The following INAVA variants were observed in gnomAD, a reference collection of about 807,000 sequenced individuals.
The protein encoded by INAVA is innate immunity activator.
In INAVA, 32 loss-of-function variants were observed where a neutral mutation model predicts 55.3. The ratio of observed to expected loss-of-function variants is 0.58; its 90% confidence interval spans 0.44 to 0.78. The LOEUF (loss-of-function observed/expected upper bound fraction) is 0.78. Among genes scored for constraint, INAVA ranks in the 30% least tolerant of loss-of-function variants. INAVA has a pLI of 0.00. For missense variants in INAVA, 756 were observed against 786.4 expected (o/e 0.96, Z 0.46); for synonymous variants, 294 against 329.4 (o/e 0.89, Z 1.16).
Position 200,908,802 on chromosome 1 carries a change from T to C in INAVA, c.647T>C (p.Leu216Pro). Residue 216 changes from leucine (L) to proline (P), a missense_variant, in exon 7 of 10, where the codon CTT (leucine) becomes CCT (proline). By Grantham distance (98) the Leu-to-Pro change is moderately conservative (BLOSUM62 -3). This residue lies in a region of INAVA where 639 missense variants were observed against 624.3 expected (regional missense o/e 1.02). Coordinates refer to ENST00000413687, the MANE Select transcript of INAVA (RefSeq NM_001142569.3). Reference sequence around the variant, plus strand: ...TCTCGGCCTCTCCCACCCCAAACCCTTGAGGGTCTGCAGCCAACAGGACCT... The same window carrying C: ...TCTCGGCCTCTCCCACCCCAAACCCCTGAGGGTCTGCAGCCAACAGGACCT... Reference protein sequence around the residue: ...PPSRPLPPQTLEGLQPTGPEA... With the variant: ...PPSRPLPPQTPEGLQPTGPEA... 1 of 1,613,510 alleles carries C rather than the reference T, an allele frequency of 6.2e-7. No individual in the cohort carries two copies. The highest frequency in any genetic ancestry group is 8.5e-7 in the Non-Finnish European group (1 of 1,179,796).
At position 200,901,069 on chromosome 1, in the gene INAVA, G is replaced by C. The variant is rs377083257; in HGVS notation, c.430G>C (p.Glu144Gln). Residue 144 changes from glutamate to glutamine, a missense_variant, in exon 5 of 10, where the codon GAG (glutamate) becomes CAG (glutamine). Glu to Gln is a conservative substitution (Grantham distance 29). This residue lies in a region of INAVA where 639 missense variants were observed against 624.3 expected (regional missense o/e 1.02). Coordinates refer to ENST00000413687, the MANE Select transcript of INAVA (RefSeq NM_001142569.3). Reference sequence around the variant, plus strand: ...GCGGAAGCACTCCATGCTGCAGGAGGAGAAGAAGCTGCAGGAGCTCCAGCG... The same window carrying C: ...GCGGAAGCACTCCATGCTGCAGGAGCAGAAGAAGCTGCAGGAGCTCCAGCG... ...RQRKHSMLQE[E>Q]KKLQELQRCL... 49 of 1,542,780 alleles carry C rather than the reference G, an allele frequency of 3.2e-5. No homozygotes were observed. In the African/African-American group the frequency reaches 6.2e-4, roughly 19 times the overall value.
Position 200,909,414 on chromosome 1 carries a change from C to A in INAVA, c.959+17C>A. 1 of 1,551,402 alleles carries A rather than the reference C, an allele frequency of 6.4e-7. No homozygotes were observed. The highest frequency in any genetic ancestry group is 1.8e-5 in the Admixed American group (1 of 55,130). On this transcript the variant is annotated intron_variant, in intron 8 of 9. Transcript: ENST00000413687. ...GTCTCTGAGGTAAGAGACAGCTTCC[C>A]CAGAGAGATGGGGGACCCACTTAGA...
chr1:200,900,127 G>A lies in INAVA; in HGVS notation c.204G>A (p.Ala68=), dbSNP rs773964932. The A allele has an allele frequency of 3.2e-5, 52 of 1,613,482 alleles. No homozygotes were observed. The highest frequency in any genetic ancestry group is 3.3e-4 in the Middle Eastern group (2 of 6,074). Residue 68 remains alanine, a synonymous_variant, in exon 4 of 10, where the codon GCG becomes GCA. Transcript: ENST00000413687. ...REAELTGTLP[A]EYPLKPGEKA... ...AGGAGCTGACGGGCACCTTGCCAGC[G>A]GAGTATCCCCTCAAACCAGGGGAAA...
chr1:200,891,602 G>A (rs200890960), upstream of INAVA: 32 of 1,563,330 alleles, frequency 2.0e-5, no homozygotes, highest in Admixed American at 5.4e-4. Context: ...AGGGAGGCTC[G>A]GGGGGAGGGA....
intron 1 of INAVA, among the ~76,000 whole-genome samples, chr1:200,895,451 T>C (rs912387758): frequency 6.6e-6 from 1 of 151,994 alleles, no homozygotes; most frequent in African/African-American, 2.4e-5. Context: ...TCTGCCTTTT[T>C]CTGGGGACAT....
intron 6 of INAVA, chr1:200,908,497 T>A (rs1386883173): frequency 2.3e-6 from 1 of 436,020 alleles, no homozygotes; most frequent in East Asian, 3.9e-5. Context: ...AGAGAGTCAA[T>A]CTGGGAGGCT....
At chr1:200,893,746 G>A (rs1219770977), upstream of INAVA, among the ~76,000 whole-genome samples, 3 of 152,172 alleles carry the variant, frequency 2.0e-5, no homozygotes, top group African/African-American at 4.8e-5. Context: ...TGTGTGTACC[G>A]GAGCAGTGGG....
At chr1:200,910,961 G>A (rs1039324300) in intron 8 of INAVA, among the ~76,000 whole-genome samples, 5 of 152,042 alleles carry the variant, frequency 3.3e-5, no homozygotes, top group Non-Finnish European at 2.9e-5. Flanking sequence ...AGTGCCTACC[G>A]AACAGATGCT....
Position 200,901,013 on chromosome 1 carries a change from A to C in INAVA, c.374A>C (p.Glu125Ala). 1 of 1,551,392 alleles carries C rather than the reference A, an allele frequency of 6.4e-7. No individual in the cohort carries two copies. The highest frequency in any genetic ancestry group is 8.7e-7 in the Non-Finnish European group (1 of 1,147,316). The change falls in exon 5 of 10, where the codon GAG becomes GCG. Residue 125 changes from glutamate (E) to alanine (A), a missense_variant. Around this residue, in one of 2 missense-constraint regions of INAVA, gnomAD observed 639 missense variants for 624.3 expected, o/e 1.02. Coordinates refer to ENST00000413687, the MANE Select transcript of INAVA (RefSeq NM_001142569.3). ...ITEAARRLCL[E>A]ENLSRQARRQ... The stretch of plus-strand genomic sequence containing the variant: ...GAGGCAGCCCGTCGGCTGTGCCTGG[A>C]GGAGAACCTCAGCAGGCAGGCTCGG...
chr1:200,894,780 G>A (rs1668305565), upstream of INAVA: 4 of 985,590 alleles, frequency 4.1e-6, no homozygotes, highest in Non-Finnish European at 4.8e-6. Context: ...CCCCGGAAGT[G>A]CAGAGGCCCA....
intron 1 of INAVA, 28 bp from the exon 2 acceptor site, chr1:200,898,279 T>C (rs1412730894): frequency 1.9e-6 from 3 of 1,603,364 alleles, no homozygotes; most frequent in Non-Finnish European, 2.6e-6. Context: ...TCTAGCTTTT[T>C]TGTTATTGTT....
In INAVA at chr1:200,894,947, G is replaced by A. The variant is rs1289079589; in HGVS notation, c.-235G>A. The A allele has an allele frequency of 1.0e-5, 10 of 985,654 alleles. No homozygotes were observed. Among genetic ancestry groups the A allele is most frequent in the Admixed American group, 6.2e-5 (1 of 16,260 alleles). 61.1% of individuals were successfully genotyped at this position (985,654 alleles called of 1,614,324 possible). Reference sequence around the variant, plus strand: ...GGTAGGCAGGTGAGCCGAGACGGACGGACGGCCAGCAGCTCCGTCAGCTGG... The same window carrying A: ...GGTAGGCAGGTGAGCCGAGACGGACAGACGGCCAGCAGCTCCGTCAGCTGG... On this transcript the variant is annotated 5_prime_UTR_variant, in exon 1 of 10. Transcript: ENST00000413687.
At chr1:200,897,067 G>C (rs1191703519) in intron 1 of INAVA, among the ~76,000 whole-genome samples, 2 of 152,254 alleles carry the variant, frequency 1.3e-5, no homozygotes, top group Non-Finnish European at 2.9e-5. Flanking sequence ...CCAACCAGGG[G>C]TGTGGGTTGG....
At position 200,907,860 on chromosome 1, in the gene INAVA, C is replaced by T. The variant is rs775127632; in HGVS notation, c.547C>T (p.Leu183=). 1 of 1,612,842 alleles carries T rather than the reference C, an allele frequency of 6.2e-7. No individual in the cohort carries two copies. The highest frequency in any genetic ancestry group is 8.5e-7 in the Non-Finnish European group (1 of 1,179,132). The change falls in exon 6 of 10, where the codon CTG becomes TTG. Residue 183 remains leucine (L), a synonymous_variant. Coordinates refer to ENST00000413687, the MANE Select transcript of INAVA (RefSeq NM_001142569.3). ...RELSASDDSS[L]SDGLLLEEEE... ...GCTCAGTGCCTCTGATGACAGCTCC[C>T]TGTCAGATGGGCTCCTCCTGGAGGA...
Position 200,901,128 on chromosome 1 carries a change from A to T in INAVA, c.489A>T (p.Pro163=). 1 of 1,525,914 alleles carries T rather than the reference A, an allele frequency of 6.6e-7. No individual in the cohort carries two copies. The highest frequency in any genetic ancestry group is 8.8e-7 in the Non-Finnish European group (1 of 1,140,104). 94.5% of individuals were successfully genotyped at this position (1,525,914 alleles called of 1,614,324 possible). Reference sequence around the variant, plus strand: ...TCGAGCGGCGGCGCAATAGCGAGCCACCTCCGGCTGCTGCTCTCCCCCTGG... The same window carrying T: ...TCGAGCGGCGGCGCAATAGCGAGCCTCCTCCGGCTGCTGCTCTCCCCCTGG... The part of the protein sequence containing the change: ...CLVERRRNSE[P]PPAAALPLGR... The change falls in exon 5 of 10, where the codon CCA becomes CCT. Residue 163 remains proline, a synonymous_variant. Transcript: ENST00000413687.
chr1:200,896,063 C>T (rs894581668), intron 1 of INAVA, among the ~76,000 whole-genome samples: 8 of 152,094 alleles, frequency 5.3e-5, no homozygotes, highest in Non-Finnish European at 8.8e-5. Context: ...GGGAAGCTGG[C>T]GGAGACGGGA....
At position 200,908,914 on chromosome 1, in the gene INAVA, G is replaced by A; in HGVS notation, c.759G>A (p.Lys253=). ...ACCACCCCTATGAGAAGCCCAGGAA[G>A]TCTTCTGAGCCCTGGAGCGAGTCCA... ...SLDHPYEKPR[K]SSEPWSESSS... is the part of the protein sequence containing the mutation. The change falls in exon 7 of 10, where the codon AAG becomes AAA. Residue 253 remains lysine (K), a synonymous_variant. Transcript: ENST00000413687. The A allele has an allele frequency of 6.2e-7, 1 of 1,613,706 alleles. No individual in the cohort carries two copies. The highest frequency in any genetic ancestry group is 8.5e-7 in the Non-Finnish European group (1 of 1,179,790).
At position 200,907,898 on chromosome 1, in the gene INAVA, C is replaced by T. The variant is rs762423871; in HGVS notation, c.574+11C>T. ...TCCTCCTGGAGGAAGGTGAGAAGGA[C>T]GTTTGGGGGACTATTGTCAAGGCTG... On this transcript the variant is annotated intron_variant, in intron 6 of 9. Transcript: ENST00000413687. The T allele has an allele frequency of 9.9e-6, 16 of 1,608,794 alleles. No individual in the cohort carries two copies. Among genetic ancestry groups the T allele is most frequent in the East Asian group, 4.5e-5 (2 of 44,808 alleles).
chr1:200,894,965 T>G lies in INAVA; in HGVS notation c.-217T>G. The G allele has an allele frequency of 2.0e-6, 2 of 985,540 alleles. No individual in the cohort carries two copies. The highest frequency in any genetic ancestry group is 2.4e-6 in the Non-Finnish European group (2 of 830,092). The allele number at this position is 985,540 out of a possible 1,614,324, so 61.0% of individuals were successfully genotyped here. On this transcript the variant is annotated 5_prime_UTR_variant, in exon 1 of 10. Coordinates refer to ENST00000413687, the MANE Select transcript of INAVA (RefSeq NM_001142569.3). ...GACGGACGGACGGCCAGCAGCTCCG[T>G]CAGCTGGAGAGAGAGCACAGGCCTG...
Sources: allele counts gnomAD v4.1 joint callset (sites outside exome capture counted in the v4.1 genomes callset), GRCh38; gene constraint gnomAD v4.1.1; regional missense constraint gnomAD v4.1.1; transcripts MANE v1.5; gene names NCBI Gene and HGNC (gene_info 2026-07-23, HGNC 2026-07-21).